Variants in SNX19 observed in about 807,000 individuals in gnomAD.
SNX19 encodes the protein sorting nexin 19, also known as sorting nexin-19.
Under a neutral mutation model 85.2 loss-of-function variants are expected in SNX19, and 60 were observed. The observed-to-expected ratio is 0.70, with a 90% CI of 0.57 to 0.87. SNX19 has a LOEUF of 0.87. SNX19 is among the 40% of genes least tolerant of loss of function. SNX19 has a pLI of 0.00. For missense variants in SNX19, 1,201 were observed against 1,217.8 expected, an observed-to-expected ratio of 0.99 and a Z score of 0.21; for synonymous variants, 520 against 470.0, an observed-to-expected ratio of 1.11 and a Z score of -1.38.
intron 9 of SNX19, among the ~76,000 whole-genome samples, chr11:130,880,263 T>C (rs1943560863): frequency 2.0e-5 from 3 of 152,214 alleles, no homozygotes; most frequent in African/African-American, 7.2e-5. Context: ...GTAGAGAATC[T>C]GAAGTCTTCA....
At position 130,880,758 on chromosome 11, in the gene SNX19, C is replaced by T; in HGVS notation, c.2622G>A (p.Val874=). Residue 874 remains valine, a synonymous_variant, in exon 9 of 11, where the codon GTG becomes GTA. Transcript: ENST00000265909. ...ACTCCTGAAGAAGCAGGAGGTACTGCACCCAGCGCTGTGGACTTGTTAAAT... is the reference window on the plus strand; with the variant it reads ...ACTCCTGAAGAAGCAGGAGGTACTGTACCCAGCGCTGTGGACTTGTTAAAT... ...VANLTSPQRW[V]QYLLLLQESI... 6.2e-7 allele frequency: 1 copy of T among 1,600,944 alleles called. No individual in the cohort carries two copies. The highest frequency in any genetic ancestry group is 8.5e-7 in the Non-Finnish European group (1 of 1,170,164).
chr11:130,915,113 G>C lies in SNX19; in HGVS notation c.827C>G (p.Pro276Arg). 1 of 1,613,788 alleles carries C rather than the reference G, an allele frequency of 6.2e-7. No individual in the cohort carries two copies. The highest frequency in any genetic ancestry group is 1.3e-5 in the African/African-American group (1 of 75,042). ...CTGTTCGGGGGCACTGGCTGGGCAG[G>C]GTGCTGGATCTCTGGCCTTGGAAAA... ...GIFSKARDPA[P>R]CPASAPEQPS... The change falls in exon 1 of 11, where the codon CCC becomes CGC. Residue 276 changes from proline to arginine, a missense_variant. By Grantham distance (103) the Pro-to-Arg change is moderately radical. This residue lies in a region of SNX19 where 791 missense variants were observed against 750.9 expected (regional missense o/e 1.05). Transcript: ENST00000265909.
Position 130,909,856 on chromosome 11 carries a change from G to A in SNX19, c.2034+162C>T, listed in dbSNP as rs769275559. Among the ~76,000 whole-genome samples the A allele has an allele frequency of 6.6e-4, 100 of 152,132 alleles. 6 individuals are homozygous for A. Among genetic ancestry groups the A allele is most frequent in the Non-Finnish European group, 5.9e-5 (4 of 68,024 alleles). ...CAAGCTGATGATTCAACCAATATTT[G>A]GCAACAGGTCTTGACAATTTAAGTC... is the stretch of plus-strand genomic sequence containing the variant. On this transcript the variant is annotated intron_variant, in intron 4 of 10. Transcript: ENST00000265909.
In SNX19 at chr11:130,877,088, A is replaced by G. The variant is rs759445453; in HGVS notation, c.*1334T>C. ...ATTGCCTTCTCATCAGTCTAACTCC[A>G]AGACCTTCCTCCGAGTGGTAGGCTC... On this transcript the variant is annotated 3_prime_UTR_variant, in exon 11 of 11. Coordinates refer to ENST00000265909, the MANE Select transcript of SNX19 (RefSeq NM_014758.3). 6.6e-6 allele frequency: 1 copy of G among 152,258 alleles called. No individual in the cohort carries two copies. Among genetic ancestry groups the G allele is most frequent in the East Asian group, 1.9e-4 (1 of 5,206 alleles). The allele number at this position is 152,258 out of a possible 1,614,324, so 9.4% of individuals were successfully genotyped here.
rs1340388710 is a variant in SNX19, at chr11:130,880,652, C to T, written c.2728G>A (p.Ala910Thr). ...AGGACTCCCATCAGGCTCTGCAAAG[C>T]CTGTTTCTCAGCAGCCAGTTTCTGC... ...QEQKLAAEKQ[A>T]LQSLMGVLPD... is the part of the protein sequence containing the mutation. The change falls in exon 9 of 11, where the codon GCT becomes ACT. Residue 910 changes from alanine (A) to threonine (T), a missense_variant. Around this residue, in one of 3 missense-constraint regions of SNX19, gnomAD observed 285 missense variants for 295.3 expected, o/e 0.97. Transcript: ENST00000265909. 8 of 1,606,260 alleles carry T rather than the reference C, an allele frequency of 5.0e-6. No homozygotes were observed. The highest frequency in any genetic ancestry group is 6.8e-6 in the Non-Finnish European group (8 of 1,173,918).
Position 130,868,916 on chromosome 11 carries a change from T to G in SNX19, c.*9506A>C, listed in dbSNP as rs547284761. The G allele has an allele frequency of 6.6e-6, 1 of 152,250 alleles. No homozygotes were observed. The highest frequency in any genetic ancestry group is 2.4e-5 in the African/African-American group (1 of 41,460). 9.4% of individuals were successfully genotyped at this position (152,250 alleles called of 1,614,324 possible). ...AGGAGGAAAGAAATATGTTACTCAC[T>G]GCCACAAGAAGGTTGCCAACGTCAT... On this transcript the variant is annotated 3_prime_UTR_variant, in exon 11 of 11. Coordinates refer to ENST00000265909, the MANE Select transcript of SNX19 (RefSeq NM_014758.3).
At chr11:130,893,934 G>C (rs1335632437) in intron 8 of SNX19, 4 of 644,582 alleles carry the variant, frequency 6.2e-6, no homozygotes, top group Non-Finnish European at 1.1e-5. Context: ...GGCACTTGGA[G>C]AAGCCTGCAA....
intron 8 of SNX19, among the ~76,000 whole-genome samples, chr11:130,898,340 G>A (rs1186079873): frequency 6.6e-6 from 1 of 152,176 alleles, no homozygotes; most frequent in Non-Finnish European, 1.5e-5. Flanking sequence ...GACATTTTAA[G>A]GAGGAGATGC....
At chr11:130,903,724 C>T (rs1440366206) in intron 7 of SNX19, among the ~76,000 whole-genome samples, 2 of 150,130 alleles carry the variant, frequency 1.3e-5, no homozygotes, top group African/African-American at 4.9e-5. Flanking sequence ...CATACACACA[C>T]ACACACACAC....
intron 8 of SNX19, chr11:130,894,695 A>G (rs1169354564): frequency 2.0e-6 from 2 of 985,350 alleles, no homozygotes; most frequent in Non-Finnish European, 2.4e-6. Flanking sequence ...AAAGCAACAC[A>G]CATTCAGAAA....
At chr11:130,879,321 A>T (rs1056022931) in intron 10 of SNX19, among the ~76,000 whole-genome samples, 1 of 152,154 alleles carries the variant, frequency 6.6e-6, no homozygotes, top group Non-Finnish European at 1.5e-5. Flanking sequence ...ACAAGCCTGG[A>T]GGATAAGAGG....
At position 130,869,470 on chromosome 11, in the gene SNX19, G is replaced by C. The variant is rs1036914289; in HGVS notation, c.*8952C>G. Reference sequence around the variant, plus strand: ...AGTTTTTCGAGGATAAACTTGTAGAGGGATTTGGGGAGAGGAAGCTTTATT... The same window carrying C: ...AGTTTTTCGAGGATAAACTTGTAGACGGATTTGGGGAGAGGAAGCTTTATT... On this transcript the variant is annotated 3_prime_UTR_variant, in exon 11 of 11. Coordinates refer to ENST00000265909, the MANE Select transcript of SNX19 (RefSeq NM_014758.3). The C allele has an allele frequency of 6.6e-6, 1 of 152,190 alleles. No individual in the cohort carries two copies. Among genetic ancestry groups the C allele is most frequent in the Non-Finnish European group, 1.5e-5 (1 of 68,046 alleles). 9.4% of individuals were successfully genotyped at this position (152,190 alleles called of 1,614,324 possible).
chr11:130,909,456 C>T (rs529339457), intron 4 of SNX19, among the ~76,000 whole-genome samples: 2 of 152,216 alleles, frequency 1.3e-5, no homozygotes, highest in African/African-American at 2.4e-5. Context: ...CAGAGATGCT[C>T]ATATCAGTTG....
intron 8 of SNX19, among the ~76,000 whole-genome samples, chr11:130,881,786 CCTT>C (rs1348062321): frequency 1.3e-5 from 2 of 152,208 alleles, no homozygotes; most frequent in African/African-American, 4.8e-5. Context: ...GAAGTGCTCT[CCTT>C]CTCCATAGAC....
In SNX19 at chr11:130,914,991, T is replaced by C. The variant is rs117260465; in HGVS notation, c.949A>G (p.Ser317Gly). 14,064 of 1,614,186 alleles carry C rather than the reference T, an allele frequency of 8.7e-3. 92 individuals carry two copies. Among genetic ancestry groups the C allele is most frequent in the Non-Finnish European group, 1.0e-2 (11,799 of 1,180,016 alleles). Residue 317 changes from serine (S) to glycine (G), a missense_variant, in exon 1 of 11, where the codon AGT (serine) becomes GGT (glycine). Ser to Gly is a moderately conservative substitution (Grantham distance 56, BLOSUM62 0). This residue lies in a region of SNX19 where 791 missense variants were observed against 750.9 expected (regional missense o/e 1.05). Transcript: ENST00000265909. ...PVAAPVFLSY[S>G]EPEGSAGPSP... ...GGGCCTGCAGAACCCTCTGGCTCAC[T>C]GTAACTTAGGAATACTGGGGCTGCT...
chr11:130,894,095 C>A (rs554520921), intron 8 of SNX19, among the ~76,000 whole-genome samples: 24 of 149,216 alleles, frequency 1.6e-4, no homozygotes, highest in African/African-American at 5.4e-4. Flanking sequence ...TTCCTAACAT[C>A]GGGGCTATTC....
At position 130,915,688 on chromosome 11, in the gene SNX19, C is replaced by T. The variant is rs751921484; in HGVS notation, c.252G>A (p.Pro84=). The T allele has an allele frequency of 3.7e-6, 6 of 1,614,202 alleles. No individual in the cohort carries two copies. The highest frequency in any genetic ancestry group is 2.2e-5 in the South Asian group (2 of 91,082). Residue 84 remains proline, a synonymous_variant, in exon 1 of 11, where the codon CCG becomes CCA. Transcript: ENST00000265909. The part of the protein sequence containing the change: ...SGRLHLERFI[P]LATCPPCPEA... ...CAGGGCATGGAGGACAGGTGGCCAA[C>T]GGGATGAAGCGTTCCAGATGCAGTC...
At chr11:130,888,027 A>C (rs1944209253) in intron 8 of SNX19, among the ~76,000 whole-genome samples, 1 of 152,036 alleles carries the variant, frequency 6.6e-6, no homozygotes, top group Non-Finnish European at 1.5e-5. Context: ...GCTTTTTGGC[A>C]CACACGTCAA....
At position 130,871,186 on chromosome 11, in the gene SNX19, C is replaced by T. The variant is rs147577593; in HGVS notation, c.*7236G>A. 6.6e-6 allele frequency among the ~76,000 whole-genome samples: 1 copy of T among 152,264 alleles called. No homozygotes were observed. The highest frequency in any genetic ancestry group is 1.9e-4 in the East Asian group (1 of 5,172). On this transcript the variant is annotated 3_prime_UTR_variant, in exon 11 of 11. Transcript: ENST00000265909. ...ATTTTTTTGGAAGTTTCTCGTCTAA[C>T]CTCCTGCCTAAACCATCTATAATAC...
Sources: allele counts gnomAD v4.1 joint callset (sites outside exome capture counted in the v4.1 genomes callset), GRCh38; gene constraint gnomAD v4.1.1; regional missense constraint gnomAD v4.1.1; transcripts MANE v1.5; gene names NCBI Gene and HGNC (gene_info 2026-07-23, HGNC 2026-07-21).